EYS: variants seen among roughly 807,000 people sequenced by gnomAD.
The protein encoded by EYS is protein eyes shut homolog.
A neutral mutation model predicts 282.1 loss-of-function variants in EYS; 250 were observed. The observed-to-expected ratio is 0.89, with a 90% CI of 0.80 to 0.98. The LOEUF is 0.98. Among genes scored for constraint, EYS ranks in the 50% least tolerant of loss-of-function variants. EYS has a pLI of 0.00. For synonymous variants in EYS, 1,355 were observed against 1,282.9 expected, an observed-to-expected ratio of 1.06 and a Z score of -1.20; for missense variants, 4,016 against 3,709.0, an observed-to-expected ratio of 1.08 and a Z score of -2.15.
chr6:63,778,497 A>C (rs1323432033), intron 39 of EYS, among the ~76,000 whole-genome samples: 1 of 152,190 alleles, frequency 6.6e-6, no homozygotes, highest in African/African-American at 2.4e-5. Context: ...ATTATACCAA[A>C]AAGTTGAACA....
At position 65,205,450 on chromosome 6, in the gene EYS, A is replaced by G. The variant is rs529779769; in HGVS notation, c.2023+90413T>C. ...AAGAAAAGAGATTAATAGCAATACA[A>G]TATTAATTGGGAACTTCAACACCTC... is the stretch of plus-strand genomic sequence containing the variant. On this transcript the variant is annotated intron_variant, in intron 12 of 42. Transcript: ENST00000503581. Among the ~76,000 whole-genome samples, 6 of 152,072 alleles carry G rather than the reference A, an allele frequency of 3.9e-5. No individual in the cohort carries two copies. In the South Asian group the frequency reaches 1.0e-3, roughly 26 times the overall value.
intron 35 of EYS, among the ~76,000 whole-genome samples, chr6:63,919,389 T>A (rs1357511318): frequency 6.9e-6 from 1 of 145,034 alleles, no homozygotes; most frequent in Admixed American, 7.0e-5. Flanking sequence ...AATATTTTGC[T>A]TCAGATTTTA....
chr6:65,279,236 C>A (rs1768150740), intron 12 of EYS, among the ~76,000 whole-genome samples: 1 of 151,826 alleles, frequency 6.6e-6, no homozygotes, highest in African/African-American at 2.4e-5. Context: ...TACCTGTTTA[C>A]CTCAAGATGT....
At chr6:64,111,435 AGTGCGGATAAAAAGCAAATGG>A (rs1773200935) in intron 31 of EYS, among the ~76,000 whole-genome samples, 1 of 152,096 alleles carries the variant, frequency 6.6e-6, no homozygotes, top group Non-Finnish European at 1.5e-5. Flanking sequence ...TCTCCATGGC[AGTGCGGATAAAAAGCAAATGG>A]GTGATGATCT....
intron 35 of EYS, among the ~76,000 whole-genome samples, chr6:63,934,869 T>C (rs1765010090): frequency 6.6e-6 from 1 of 152,016 alleles, no homozygotes; most frequent in Non-Finnish European, 1.5e-5. Context: ...CTGCACGTTG[T>C]GCACATGTAC....
chr6:64,155,635 A>G (rs1332676435), intron 31 of EYS, among the ~76,000 whole-genome samples: 1 of 152,164 alleles, frequency 6.6e-6, no homozygotes, highest in African/African-American at 2.4e-5. Flanking sequence ...TGTAAACTTT[A>G]CCAGTTGCCT....
chr6:65,515,039 T>A (rs1275556978), intron 2 of EYS, among the ~76,000 whole-genome samples: 1 of 152,076 alleles, frequency 6.6e-6, no homozygotes, highest in Non-Finnish European at 1.5e-5. Flanking sequence ...ACAACCTACT[T>A]ATCTGACAAA....
At chr6:64,214,588 T>C (rs902820197) in intron 31 of EYS, among the ~76,000 whole-genome samples, 1 of 152,052 alleles carries the variant, frequency 6.6e-6, no homozygotes, top group Non-Finnish European at 1.5e-5. Context: ...TCCCAGAGTA[T>C]GTACACACTA....
intron 26 of EYS, among the ~76,000 whole-genome samples, chr6:64,468,628 T>C (rs973100974): frequency 6.6e-6 from 1 of 152,166 alleles, no homozygotes; most frequent in Non-Finnish European, 1.5e-5. Context: ...CTACCCAATA[T>C]GTATTTTTTG....
intron 14 of EYS, among the ~76,000 whole-genome samples, chr6:64,979,805 T>A (rs946878874): frequency 6.6e-6 from 1 of 151,678 alleles, no homozygotes; most frequent in African/African-American, 2.4e-5. Flanking sequence ...AAATAAAGGA[T>A]ATTTTAAAAG....
At chr6:64,516,945 AT>A (rs1350202642) in intron 26 of EYS, among the ~76,000 whole-genome samples, 1 of 151,796 alleles carries the variant, frequency 6.6e-6, no homozygotes, top group East Asian at 1.9e-4. Context: ...ATGTAATTGC[AT>A]TATCAATTTA....
intron 26 of EYS, among the ~76,000 whole-genome samples, chr6:64,450,634 G>T (rs1162497916): frequency 6.6e-6 from 1 of 152,096 alleles, no homozygotes; most frequent in Non-Finnish European, 1.5e-5. Context: ...AAATGTAAAA[G>T]AACAGAAATG....
rs147002288 is a variant in EYS, at chr6:65,698,960, T to G, written c.-448+8175A>C. Among the ~76,000 whole-genome samples the G allele has an allele frequency of 1.3e-3, 200 of 152,332 alleles. 1 individual carries two copies. Among genetic ancestry groups the G allele is most frequent in the African/African-American group, 4.6e-3 (192 of 41,586 alleles). The stretch of plus-strand genomic sequence containing the variant: ...TAAACTGATACAACATAATGTGTAT[T>G]TCTTCAAACTAGTCAATAAGTAGAA... On this transcript the variant is annotated intron_variant, in intron 1 of 42. Transcript: ENST00000503581.
At chr6:64,000,279 C>T (rs1002489987) in intron 33 of EYS, among the ~76,000 whole-genome samples, 7 of 144,476 alleles carry the variant, frequency 4.8e-5, no homozygotes, top group African/African-American at 1.8e-4. Context: ...GCAAGCTCTG[C>T]CTCCCGGGTT....
intron 2 of EYS, among the ~76,000 whole-genome samples, chr6:65,517,749 G>T (rs1423632500): frequency 6.6e-6 from 1 of 151,890 alleles, no homozygotes; most frequent in East Asian, 1.9e-4. Flanking sequence ...AGGCATACAG[G>T]ACACCAACGA....
chr6:64,864,382 C>CTTTTTTTTTTTT (rs1562231995), intron 19 of EYS, among the ~76,000 whole-genome samples: 1 of 40,102 alleles, frequency 2.5e-5, no homozygotes, highest in African/African-American at 7.3e-5. Flanking sequence ...GGTGCTATAC[C>CTTTTTTTTTTTT]TTCTTTTTTT....
At chr6:63,797,002 C>G (rs1006982942) in intron 37 of EYS, among the ~76,000 whole-genome samples, 2 of 152,100 alleles carry the variant, frequency 1.3e-5, no homozygotes, top group African/African-American at 2.4e-5. Flanking sequence ...GGTGGGAGTT[C>G]CCATCTGGAG....
At chr6:64,297,321 T>C (rs1239563781) in intron 30 of EYS, among the ~76,000 whole-genome samples, 1 of 152,160 alleles carries the variant, frequency 6.6e-6, no homozygotes, top group Non-Finnish European at 1.5e-5. Context: ...AAGCTAGCCA[T>C]TAAAGATTGG....
At chr6:64,315,132 GA>G (rs1156666700) in intron 29 of EYS, among the ~76,000 whole-genome samples, 3 of 152,120 alleles carry the variant, frequency 2.0e-5, no homozygotes, top group African/African-American at 4.8e-5. Flanking sequence ...TACCATTAGA[GA>G]ATACTATAAA....
Sources: gnomAD v4.1 joint callset for allele counts (sites outside exome capture counted in the v4.1 genomes callset) on GRCh38, gnomAD v4.1.1 for gene constraint, MANE v1.5 for transcripts, NCBI Gene and HGNC (gene_info 2026-07-23, HGNC 2026-07-21) for gene names.